CRK: variants seen among roughly 807,000 people sequenced by gnomAD.
CRK encodes CRK proto-oncogene, adaptor protein.
Under a neutral mutation model 29.8 loss-of-function variants are expected in CRK, and 4 were observed. The ratio of observed to expected loss-of-function variants is 0.13; its 90% confidence interval spans 0.07 to 0.31. CRK has a LOEUF of 0.31. CRK is among the 10% of genes least tolerant of loss of function. CRK has a pLI of 1.00. For synonymous variants in CRK, 153 were observed against 164.9 expected, an observed-to-expected ratio of 0.93 and a Z score of 0.55; for missense variants, 274 against 396.5, an observed-to-expected ratio of 0.69 and a Z score of 2.62.
At chr17:1,424,002 G>A (rs979920118) in intron 2 of CRK, among the ~76,000 whole-genome samples, 5 of 150,856 alleles carry the variant, frequency 3.3e-5, no homozygotes, top group African/African-American at 9.8e-5. Context: ...CCCTTTCTTT[G>A]TACTCACTAC....
chr17:1,446,591 T>C (rs1199793837), intron 1 of CRK, among the ~76,000 whole-genome samples: 1 of 21,994 alleles, frequency 4.5e-5, no homozygotes, highest in Non-Finnish European at 9.9e-5. Flanking sequence ...TCACTATGAC[T>C]TTTTTTTTTT....
chr17:1,450,673 C>T (rs1010879239), intron 1 of CRK, among the ~76,000 whole-genome samples: 3 of 151,234 alleles, frequency 2.0e-5, no homozygotes, highest in African/African-American at 7.3e-5. Flanking sequence ...CACTTGAGGC[C>T]AGGAGTTCAA....
At chr17:1,428,802 G>A (rs8067582) in intron 2 of CRK, among the ~76,000 whole-genome samples, 21,731 of 151,474 alleles carry the variant, frequency 0.14, 2,032 homozygotes, top group African/African-American at 0.26. Context: ...GATTACAGGC[G>A]TGAGCCACCA....
At chr17:1,447,607 CTTTTTTT>C (rs34998406) in intron 1 of CRK, among the ~76,000 whole-genome samples, 1 of 117,844 alleles carries the variant, frequency 8.5e-6, no homozygotes, top group Non-Finnish European at 1.7e-5. Flanking sequence ...TTCTCTTTTC[CTTTTTTT>C]TTTTTTTTTT....
intron 1 of CRK, among the ~76,000 whole-genome samples, chr17:1,453,362 T>C (rs774650333): frequency 6.6e-6 from 1 of 152,212 alleles, no homozygotes; most frequent in Non-Finnish European, 1.5e-5. Context: ...TGCTGCCATT[T>C]TCAACTTTGG....
intron 1 of CRK, among the ~76,000 whole-genome samples, chr17:1,440,890 A>C (rs8082128): frequency 0.75 from 114,747 of 152,164 alleles, 43,946 homozygotes; most frequent in African/African-American, 0.89. Context: ...GGCAAAAGAG[A>C]GAGACCTTGT....
chr17:1,435,324 T>C (rs2073878625), intron 2 of CRK, among the ~76,000 whole-genome samples: 1 of 152,074 alleles, frequency 6.6e-6, no homozygotes, highest in African/African-American at 2.4e-5. Flanking sequence ...GGTGCTGGGA[T>C]TACAGGTATG....
intron 2 of CRK, among the ~76,000 whole-genome samples, chr17:1,431,787 G>C (rs760022135): frequency 6.6e-6 from 1 of 152,158 alleles, no homozygotes; most frequent in Non-Finnish European, 1.5e-5. Flanking sequence ...ATGTTGACCA[G>C]ACTAGGGTGT....
chr17:1,456,122 G>A lies in CRK; in HGVS notation c.-5C>T. 6.5e-7 allele frequency: 1 copy of A among 1,528,230 alleles called. No individual in the cohort carries two copies. The highest frequency in any genetic ancestry group is 1.2e-5 in the South Asian group (1 of 82,254). The allele number at this position is 1,528,230 out of a possible 1,614,324, so 94.7% of individuals were successfully genotyped here. A position where few individuals can be genotyped will look rare whatever the true frequency, so the allele number is the denominator to read the frequency against. On this transcript the variant is annotated 5_prime_UTR_variant, in exon 1 of 3. Transcript: ENST00000300574. Reference sequence around the variant, plus strand: ...CGAGTCGAAGTTGCCCGCCATGGCTGCCTCCGCGCCTAAACGCTGGGGTGC... The same window carrying A: ...CGAGTCGAAGTTGCCCGCCATGGCTACCTCCGCGCCTAAACGCTGGGGTGC...
chr17:1,427,288 CAAAAAA>C (rs761351379), intron 2 of CRK, among the ~76,000 whole-genome samples: 6 of 79,030 alleles, frequency 7.6e-5, no homozygotes, highest in African/African-American at 2.6e-4. Flanking sequence ...ATTCTGTCTC[CAAAAAA>C]AAAAAAAAAA....
rs71374000 is a variant in CRK, at chr17:1,442,985, T to TTTC, written c.242-5831_242-5830insGAA. Among the ~76,000 whole-genome samples, 130 of 29,514 alleles carry TTTC rather than the reference T, an allele frequency of 4.4e-3. 3 individuals are homozygous for TTTC. Among genetic ancestry groups the TTTC allele is most frequent in the Non-Finnish European group, 0.011 (102 of 9,206 alleles). The allele number at this position is 29,514 out of a possible 152,430, so 19.4% of individuals were successfully genotyped here. A position where few individuals can be genotyped will look rare whatever the true frequency, so the allele number is the denominator to read the frequency against. On this transcript the variant is annotated intron_variant, in intron 1 of 2. Coordinates refer to ENST00000300574, the MANE Select transcript of CRK (RefSeq NM_016823.4). The stretch of plus-strand genomic sequence containing the variant: ...GCTCACAGCAACCTCCCTTTCTTTC[T>TTTC]TTTTTTTTTTTGAGACGGACTCTTG...
At chr17:1,449,936 C>A (rs185450644) in intron 1 of CRK, among the ~76,000 whole-genome samples, 1 of 152,254 alleles carries the variant, frequency 6.6e-6, no homozygotes, top group Non-Finnish European at 1.5e-5. Context: ...CGGTGGCTCA[C>A]GCCTGTAATC....
chr17:1,437,101 G>A lies in CRK; in HGVS notation c.296C>T (p.Ala99Val). ...IGDQEFDSLP[A>V]LLEFYKIHYL... Reference sequence around the variant, plus strand: ...GTGTATTTTGTAGAATTCCAGTAAAGCAGGCAATGAATCAAACTCTTGATC... The same window carrying A: ...GTGTATTTTGTAGAATTCCAGTAAAACAGGCAATGAATCAAACTCTTGATC... The change falls in exon 2 of 3, where the codon GCT (alanine) becomes GTT (valine). Residue 99 changes from alanine (A) to valine (V), a missense_variant. Ala to Val is a moderately conservative substitution (Grantham distance 64, BLOSUM62 0). Transcript: ENST00000300574. 6.2e-7 allele frequency: 1 copy of A among 1,614,078 alleles called. No individual in the cohort carries two copies. Among genetic ancestry groups the A allele is most frequent in the Non-Finnish European group, 8.5e-7 (1 of 1,179,978 alleles).
rs1568005470 is a variant in CRK, at chr17:1,423,022, T to A, written c.*491A>T. 2 of 399,346 alleles carry A rather than the reference T, an allele frequency of 5.0e-6. No individual in the cohort carries two copies. Among genetic ancestry groups the A allele is most frequent in the Non-Finnish European group, 8.8e-6 (2 of 226,458 alleles). 24.7% of individuals were successfully genotyped at this position (399,346 alleles called of 1,614,324 possible). A position where few individuals can be genotyped will look rare whatever the true frequency, so the allele number is the denominator to read the frequency against. ...TGAAATGTCAGAATGAGTCACACGCTGGTCATGCTCCATACAATGAAAGCA... is the reference window on the plus strand; with the variant it reads ...TGAAATGTCAGAATGAGTCACACGCAGGTCATGCTCCATACAATGAAAGCA... On this transcript the variant is annotated 3_prime_UTR_variant, in exon 3 of 3. Transcript: ENST00000300574.
At chr17:1,424,334 G>C (rs937232349) in intron 2 of CRK, 2 of 152,498 alleles carry the variant, frequency 1.3e-5, no homozygotes, top group African/African-American at 4.8e-5. Context: ...CAAAGTGCTT[G>C]GATTACAGGC....
chr17:1,432,379 C>T (rs1446176518), intron 2 of CRK, among the ~76,000 whole-genome samples: 3 of 150,604 alleles, frequency 2.0e-5, no homozygotes, highest in South Asian at 2.1e-4. Flanking sequence ...ATCCCAGCTA[C>T]CCGGGAGGTT....
chr17:1,432,895 C>T (rs944362498), intron 2 of CRK, among the ~76,000 whole-genome samples: 2 of 152,032 alleles, frequency 1.3e-5, no homozygotes, highest in Non-Finnish European at 2.9e-5. Context: ...CCACAATCCA[C>T]AAAACACCTA....
At chr17:1,454,522 G>C (rs1009080880) in intron 1 of CRK, among the ~76,000 whole-genome samples, 1 of 152,168 alleles carries the variant, frequency 6.6e-6, no homozygotes, top group African/African-American at 2.4e-5. Flanking sequence ...TCTTAGAAAA[G>C]AGTAAAATAA....
chr17:1,453,183 AT>A, intron 1 of CRK, among the ~76,000 whole-genome samples: 1 of 152,280 alleles, frequency 6.6e-6, no homozygotes, highest in Middle Eastern at 3.4e-3. Context: ...ATACTCGTGA[AT>A]TTTCCACACC....
Sources: gnomAD v4.1 joint callset for allele counts (sites outside exome capture counted in the v4.1 genomes callset) on GRCh38, gnomAD v4.1.1 for gene constraint, MANE v1.5 for transcripts, NCBI Gene and HGNC (gene_info 2026-07-23, HGNC 2026-07-21) for gene names.